The following ZBTB16 variants were observed in gnomAD, a reference collection of about 807,000 sequenced individuals.
ZBTB16 encodes zinc finger and BTB domain containing 16, also known as zinc finger and BTB domain-containing protein 16.
In ZBTB16, 8 loss-of-function variants were observed where a neutral mutation model predicts 56.8. The observed-to-expected ratio is 0.14, with a 90% CI of 0.08 to 0.25. The LOEUF (loss-of-function observed/expected upper bound fraction) is 0.25, where lower values mean the gene tolerates loss of function less well. ZBTB16 is among the 10% of genes least tolerant of loss of function. The pLI, the probability that ZBTB16 is intolerant of heterozygous loss-of-function variation, is 1.00. For synonymous variants in ZBTB16, 363 were observed against 368.5 expected (o/e 0.98, Z 0.17); for missense variants, 625 against 903.0 (o/e 0.69, Z 3.95).
At chr11:114,204,367 T>C (rs1256031510) in intron 4 of ZBTB16, among the ~76,000 whole-genome samples, 4 of 152,254 alleles carry the variant, frequency 2.6e-5, no homozygotes, top group Admixed American at 6.5e-5. Context: ...CTCAAACTCC[T>C]GACCTCAGGT....
intron 2 of ZBTB16, among the ~76,000 whole-genome samples, chr11:114,150,208 TA>T (rs1942248428): frequency 6.6e-6 from 1 of 152,168 alleles, no homozygotes; most frequent in East Asian, 1.9e-4. Flanking sequence ...ATGTCACCCT[TA>T]GAAGGAAGGG....
intron 2 of ZBTB16, among the ~76,000 whole-genome samples, chr11:114,104,067 A>AG (rs1940705215): frequency 6.6e-6 from 1 of 152,176 alleles, no homozygotes; most frequent in Admixed American, 6.5e-5. Context: ...AAAGGTGAAT[A>AG]GGGAAGGGAG....
At chr11:114,142,215 C>T (rs1242575279) in intron 2 of ZBTB16, among the ~76,000 whole-genome samples, 3 of 152,138 alleles carry the variant, frequency 2.0e-5, no homozygotes, top group Admixed American at 6.5e-5. Context: ...AGGATTAAGG[C>T]ATTGTGTGGA....
Position 114,084,544 on chromosome 11 carries a change from CTG to C in ZBTB16, c.1268+19979_1268+19980del, listed in dbSNP as rs148538773. ...GGGTTTTTTGAACTAATGTAGAGAT[CTG>C]TGGCCAGCTGTGTGATTCTCAGGTA... is the stretch of plus-strand genomic sequence containing the variant. On this transcript the variant is annotated intron_variant, in intron 2 of 6. Transcript: ENST00000335953. 9.3e-3 allele frequency among the ~76,000 whole-genome samples: 1,419 copies of C among 152,098 alleles called. 27 individuals are homozygous for C. The highest frequency in any genetic ancestry group is 0.032 in the African/African-American group (1,335 of 41,498).
At chr11:114,110,253 C>A (rs1940955690) in intron 2 of ZBTB16, among the ~76,000 whole-genome samples, 1 of 152,108 alleles carries the variant, frequency 6.6e-6, no homozygotes, top group Non-Finnish European at 1.5e-5. Context: ...TTCAGCCAGA[C>A]CCTACGGTCA....
rs58946694 is a variant in ZBTB16 at position 114,167,232 on chromosome 11, G to GTTTTTTTTTTT, written c.1366+10809_1366+10819dup. Among the ~76,000 whole-genome samples, 70 of 88,712 alleles carry GTTTTTTTTTTT rather than the reference G, an allele frequency of 7.9e-4. 3 individuals are homozygous for GTTTTTTTTTTT. Among genetic ancestry groups the GTTTTTTTTTTT allele is most frequent in the African/African-American group, 1.3e-3 (21 of 16,632 alleles). The allele number at this position is 88,712 out of a possible 152,430, so 58.2% of individuals were successfully genotyped here. A position where few individuals can be genotyped will look rare whatever the true frequency, so the allele number is the denominator to read the frequency against. On this transcript the variant is annotated intron_variant, in intron 3 of 6. Coordinates refer to ENST00000335953, the MANE Select transcript of ZBTB16 (RefSeq NM_006006.6). ...GGATTTGTGGTTTTTTTTTTTTTTG[G>GTTTTTTTTTTT]TTTTTTTTTTTTTTTTTTTTTGACA...
At chr11:114,237,860 G>A (rs1348436948) in intron 4 of ZBTB16, among the ~76,000 whole-genome samples, 1 of 152,120 alleles carries the variant, frequency 6.6e-6, no homozygotes, top group East Asian at 1.9e-4. Flanking sequence ...CATCATAGCT[G>A]TTAGTTTCTA....
chr11:114,148,006 T>G (rs114552226), intron 2 of ZBTB16, among the ~76,000 whole-genome samples: 1,708 of 152,286 alleles, frequency 0.011, 32 homozygotes, highest in African/African-American at 0.039. Flanking sequence ...AATAAATGAC[T>G]TAGGAGAACT....
intron 4 of ZBTB16, among the ~76,000 whole-genome samples, chr11:114,198,774 T>G (rs1448149846): frequency 4.6e-5 from 7 of 152,186 alleles, no homozygotes; most frequent in African/African-American, 1.4e-4. Flanking sequence ...GGGCCCACAG[T>G]TCACATGAGG....
chr11:114,161,133 A>G (rs1377219489), intron 3 of ZBTB16, among the ~76,000 whole-genome samples: 3 of 152,156 alleles, frequency 2.0e-5, no homozygotes, highest in Non-Finnish European at 4.4e-5. Flanking sequence ...CCATGCAGAG[A>G]CCACAGACAC....
At chr11:114,133,169 T>C (rs545608690) in intron 2 of ZBTB16, among the ~76,000 whole-genome samples, 2 of 152,216 alleles carry the variant, frequency 1.3e-5, no homozygotes, top group African/African-American at 4.8e-5. Flanking sequence ...AATTGACTGG[T>C]GTCCTGCCTC....
rs144735983 is a variant in ZBTB16, at chr11:114,214,567, G to C, written c.1453+27529G>C. Among the ~76,000 whole-genome samples the C allele has an allele frequency of 4.5e-3, 692 of 152,210 alleles. 3 individuals are homozygous for C. The highest frequency in any genetic ancestry group is 0.016 in the African/African-American group (668 of 41,534). On this transcript the variant is annotated intron_variant, in intron 4 of 6. Coordinates refer to ENST00000335953, the MANE Select transcript of ZBTB16 (RefSeq NM_006006.6). The stretch of plus-strand genomic sequence containing the variant: ...TCTTGCTGGAGGATTTAAAGTCTCA[G>C]GGTGGTTGGTGTTATTTGGGGGCTT...
At chr11:114,191,745 A>C (rs1235868556) in intron 4 of ZBTB16, among the ~76,000 whole-genome samples, 1 of 152,194 alleles carries the variant, frequency 6.6e-6, no homozygotes, top group East Asian at 1.9e-4. Context: ...CCTTATCACT[A>C]AGTGACATTT....
At chr11:114,124,718 T>C (rs1435812397) in intron 2 of ZBTB16, among the ~76,000 whole-genome samples, 3 of 152,184 alleles carry the variant, frequency 2.0e-5, no homozygotes, top group Non-Finnish European at 4.4e-5. Flanking sequence ...AGGAGACAGT[T>C]AAGCCAAGTC....
intron 4 of ZBTB16, among the ~76,000 whole-genome samples, chr11:114,222,304 C>T (rs1342433134): frequency 6.6e-6 from 1 of 152,194 alleles, no homozygotes; most frequent in Non-Finnish European, 1.5e-5. Flanking sequence ...GCCTCTTGGA[C>T]TAGCCTGAAA....
chr11:114,073,564 G>A (rs1157233932), intron 2 of ZBTB16, among the ~76,000 whole-genome samples: 1 of 152,238 alleles, frequency 6.6e-6, no homozygotes, highest in South Asian at 2.1e-4. Context: ...GGAAACTTCC[G>A]CTAAATACTT....
chr11:114,078,469 C>T (rs927212819), intron 2 of ZBTB16, among the ~76,000 whole-genome samples: 1 of 152,204 alleles, frequency 6.6e-6, no homozygotes, highest in Non-Finnish European at 1.5e-5. Flanking sequence ...CTGACCTCAT[C>T]ACCTAGTCAA....
At chr11:114,201,481 T>A (rs935829460) in intron 4 of ZBTB16, among the ~76,000 whole-genome samples, 1 of 152,202 alleles carries the variant, frequency 6.6e-6, no homozygotes, top group Non-Finnish European at 1.5e-5. Context: ...GTGTGGCAAA[T>A]GCTCAGAAAC....
At chr11:114,210,199 G>GCGCGCA (rs1565687577) in intron 4 of ZBTB16, among the ~76,000 whole-genome samples, 12 of 151,116 alleles carry the variant, frequency 7.9e-5, no homozygotes, top group Middle Eastern at 3.4e-3. Context: ...GTGTGCGTGC[G>GCGCGCA]CGCGCGTGCA....
Sources: allele counts gnomAD v4.1 joint callset (sites outside exome capture counted in the v4.1 genomes callset), GRCh38; gene constraint gnomAD v4.1.1; transcripts MANE v1.5; gene names NCBI Gene and HGNC (gene_info 2026-07-23, HGNC 2026-07-21).